The following TESC variants were observed in gnomAD, a reference collection of about 807,000 sequenced individuals.
TESC encodes tescalcin.
A neutral mutation model predicts 31.0 loss-of-function variants in TESC; 19 were observed. The observed-to-expected ratio is 0.61, with a 90% CI of 0.43 to 0.90. The LOEUF (loss-of-function observed/expected upper bound fraction) is 0.90, where lower values mean the gene tolerates loss of function less well. TESC is among the 40% of genes least tolerant of loss of function. The pLI is 0.00. For synonymous variants in TESC, 109 were observed against 114.8 expected (o/e 0.95, Z 0.32); for missense variants, 248 against 303.8 (o/e 0.82, Z 1.36).
chr12:117,072,273 TC>T (rs372150289), intron 2 of TESC, among the ~76,000 whole-genome samples: 1 of 152,070 alleles, frequency 6.6e-6, no homozygotes, highest in South Asian at 2.1e-4. Flanking sequence ...TGCTTTTTTT[TC>T]CCCCTAGAGA....
At chr12:117,054,649 C>A (rs542003435) in intron 3 of TESC, among the ~76,000 whole-genome samples, 24 of 152,328 alleles carry the variant, frequency 1.6e-4, no homozygotes, top group Admixed American at 2.6e-4. Context: ...GTGAGCAGCA[C>A]CCCAGTTTCC....
At chr12:117,081,265 C>G (rs1415514431) in intron 1 of TESC, among the ~76,000 whole-genome samples, 1 of 152,144 alleles carries the variant, frequency 6.6e-6, no homozygotes, top group Non-Finnish European at 1.5e-5. Flanking sequence ...AAAAAGAACA[C>G]AGACAACTGC....
At chr12:117,071,134 C>A (rs188950358) in intron 2 of TESC, among the ~76,000 whole-genome samples, 2 of 152,364 alleles carry the variant, frequency 1.3e-5, no homozygotes, top group East Asian at 3.9e-4. Context: ...CTATTAAGGA[C>A]AACAGGCCTC....
rs752925140 is a variant in TESC, at chr12:117,039,222, G to A, written c.568-12C>T. 5.6e-5 allele frequency: 91 copies of A among 1,611,940 alleles called. No homozygotes were observed. The Middle Eastern group carries it at 4.9e-3, about 87-fold the overall frequency. ...ATCCCCTGCCAGATCTGGAAGGGACGGAGCAGCGTTAAGGGCACGTTCCCG... is the reference window on the plus strand; with the variant it reads ...ATCCCCTGCCAGATCTGGAAGGGACAGAGCAGCGTTAAGGGCACGTTCCCG... On this transcript the variant is annotated splice_polypyrimidine_tract_variant and intron_variant, in intron 7 of 7. Coordinates refer to ENST00000335209, the MANE Select transcript of TESC (RefSeq NM_017899.4).
chr12:117,052,894 T>C (rs540360512), intron 3 of TESC, among the ~76,000 whole-genome samples: 1 of 152,200 alleles, frequency 6.6e-6, no homozygotes, highest in East Asian at 1.9e-4. Context: ...CTTTGCAAAA[T>C]GCAAATCAGA....
chr12:117,098,274 G>A (rs1593032864), intron 1 of TESC: 1 of 152,366 alleles, frequency 6.6e-6, no homozygotes, highest in Non-Finnish European at 1.5e-5. Context: ...TTACAACAGA[G>A]AAGGAAAGCT....
At chr12:117,048,556 C>T (rs1019398434) in intron 4 of TESC, 30 of 376,646 alleles carry the variant, frequency 8.0e-5, no homozygotes, top group Non-Finnish European at 1.5e-4. Context: ...GTCTCAGGAA[C>T]CCAGCAATAG....
chr12:117,086,658 G>A (rs544510968), intron 1 of TESC, among the ~76,000 whole-genome samples: 3 of 149,872 alleles, frequency 2.0e-5, no homozygotes, highest in East Asian at 2.0e-4. Context: ...GGCTGGTCTC[G>A]AACTCCTGGC....
intron 6 of TESC, chr12:117,046,353 TC>T: frequency 1.7e-6 from 1 of 591,920 alleles, no homozygotes; most frequent in Non-Finnish European, 3.0e-6. Flanking sequence ...GAACTCTGCT[TC>T]CCTGCCTTAT....
chr12:117,070,006 G>A (rs1210781735), intron 2 of TESC, among the ~76,000 whole-genome samples: 1 of 152,236 alleles, frequency 6.6e-6, no homozygotes, highest in Admixed American at 6.5e-5. Flanking sequence ...GCAGATTGTA[G>A]TGGGGTGCCA....
intron 6 of TESC, among the ~76,000 whole-genome samples, chr12:117,043,951 T>G (rs1954521134): frequency 6.6e-6 from 1 of 151,946 alleles, no homozygotes; most frequent in Non-Finnish European, 1.5e-5. Flanking sequence ...CTCTTTATAC[T>G]TAAAAAAATT....
At chr12:117,084,590 A>G (rs1016553674) in intron 1 of TESC, among the ~76,000 whole-genome samples, 7 of 152,224 alleles carry the variant, frequency 4.6e-5, no homozygotes, top group African/African-American at 1.7e-4. Context: ...TGTGCTGAGC[A>G]AGGCATCACC....
At position 117,041,943 on chromosome 12, in the gene TESC, C is replaced by G; in HGVS notation, c.567+4G>C. On this transcript the variant is annotated splice_donor_region_variant and intron_variant, in intron 7 of 7. Coordinates refer to ENST00000335209, the MANE Select transcript of TESC (RefSeq NM_017899.4). ...CCCGAGGCTCCCACGCCCAGGCCAC[C>G]CACCTTCAGGAAGTCCTCGAAGGTG... is the stretch of plus-strand genomic sequence containing the variant. 6.3e-7 allele frequency: 1 copy of G among 1,586,232 alleles called. No individual in the cohort carries two copies.
In TESC at chr12:117,099,260, G is replaced by A; in HGVS notation, c.23C>T (p.Ser8Phe). 6.8e-7 allele frequency: 1 copy of A among 1,469,802 alleles called. No homozygotes were observed. Among genetic ancestry groups the A allele is most frequent in the Non-Finnish European group, 8.9e-7 (1 of 1,118,358 alleles). 91.0% of individuals were successfully genotyped at this position (1,469,802 alleles called of 1,614,324 possible). MGAAHSA[S>F]EEVRELEGKT... Reference sequence around the variant, plus strand: ...GCCCTCGAGCTCCCGCACCTCCTCAGACGCGGAGTGGGCAGCGCCCATGGT... The same window carrying A: ...GCCCTCGAGCTCCCGCACCTCCTCAAACGCGGAGTGGGCAGCGCCCATGGT... Residue 8 changes from serine to phenylalanine, a missense_variant, in exon 1 of 8, where the codon TCT (serine) becomes TTT (phenylalanine). Ser to Phe is a radical substitution (Grantham distance 155, BLOSUM62 -2). Coordinates refer to ENST00000335209, the MANE Select transcript of TESC (RefSeq NM_017899.4).
intron 2 of TESC, among the ~76,000 whole-genome samples, chr12:117,064,575 C>T (rs903844207): frequency 6.6e-6 from 1 of 152,172 alleles, no homozygotes; most frequent in Non-Finnish European, 1.5e-5. Context: ...GTGCCAGCTG[C>T]AGAGGTAAAG....
At chr12:117,068,936 A>G (rs550832940) in intron 2 of TESC, among the ~76,000 whole-genome samples, 2 of 152,322 alleles carry the variant, frequency 1.3e-5, no homozygotes, top group East Asian at 3.9e-4. Flanking sequence ...AAAAAGTGCA[A>G]GAAGCTATTT....
At chr12:117,051,503 G>A (rs1035875023) in intron 3 of TESC, among the ~76,000 whole-genome samples, 2 of 152,046 alleles carry the variant, frequency 1.3e-5, no homozygotes, top group Non-Finnish European at 2.9e-5. Context: ...GCTCCCCACC[G>A]CTCCTGCCAC....
intron 1 of TESC, among the ~76,000 whole-genome samples, chr12:117,085,057 G>A (rs552466746): frequency 1.3e-5 from 2 of 152,374 alleles, no homozygotes; most frequent in East Asian, 3.9e-4. Context: ...CTGGCCAAGG[G>A]GCACCAGGGT....
At chr12:117,057,353 G>C (rs1320156524) in intron 2 of TESC, among the ~76,000 whole-genome samples, 1 of 152,186 alleles carries the variant, frequency 6.6e-6, no homozygotes. Flanking sequence ...TCCTGCCTCA[G>C]CCTCCCAAAG....
Sources: gnomAD v4.1 joint callset for allele counts (sites outside exome capture counted in the v4.1 genomes callset) on GRCh38, gnomAD v4.1.1 for gene constraint, MANE v1.5 for transcripts, NCBI Gene and HGNC (gene_info 2026-07-23, HGNC 2026-07-21) for gene names.